The following TBC1D32 variants were observed in gnomAD, a reference collection of about 807,000 sequenced individuals.
TBC1D32 encodes the protein protein broad-minded.
TBC1D32 carries 151 observed loss-of-function variants against 170.3 expected under a neutral mutation model. The observed-to-expected ratio is 0.89, with a 90% CI of 0.78 to 1.01. The LOEUF (loss-of-function observed/expected upper bound fraction) is 1.01. Ranked by LOEUF, TBC1D32 falls within the 50% of genes least tolerant of loss-of-function variation. TBC1D32 has a pLI of 0.00. For synonymous variants in TBC1D32, 498 were observed against 488.0 expected (o/e 1.02, Z -0.27); for missense variants, 1,464 against 1,457.1 (o/e 1.00, Z -0.08).
At chr6:121,317,925 G>A (rs1435003433) in intron 2 of TBC1D32, among the ~76,000 whole-genome samples, 2 of 151,978 alleles carry the variant, frequency 1.3e-5, no homozygotes, top group Non-Finnish European at 1.5e-5. Flanking sequence ...ATGGATCAAG[G>A]TAGTAAAATT....
intron 22 of TBC1D32, among the ~76,000 whole-genome samples, chr6:121,190,685 A>G (rs1789883703): frequency 6.6e-6 from 1 of 152,170 alleles, no homozygotes; most frequent in African/African-American, 2.4e-5. Context: ...AAATCTCACC[A>G]GAAACATGAT....
intron 26 of TBC1D32, among the ~76,000 whole-genome samples, chr6:121,119,519 A>C (rs1780041546): frequency 6.6e-6 from 1 of 152,142 alleles, no homozygotes; most frequent in South Asian, 2.1e-4. Context: ...ATTTTGATTA[A>C]CTAGCATTAC....
intron 21 of TBC1D32, among the ~76,000 whole-genome samples, chr6:121,209,271 C>T (rs948952363): frequency 5.9e-5 from 9 of 152,038 alleles, no homozygotes; most frequent in African/African-American, 1.9e-4. Flanking sequence ...TGCCATAAGC[C>T]CATCTATCAC....
intron 20 of TBC1D32, 31 bp from the exon 21 acceptor site, chr6:121,223,383 A>T (rs769141123): frequency 6.9e-7 from 1 of 1,454,982 alleles, no homozygotes; most frequent in Non-Finnish European, 9.5e-7. Flanking sequence ...CATTTAAATG[A>T]TTCACTTTTG....
intron 22 of TBC1D32, among the ~76,000 whole-genome samples, chr6:121,194,078 C>T (rs976690402): frequency 1.4e-5 from 2 of 146,874 alleles, no homozygotes; most frequent in East Asian, 2.5e-4. Flanking sequence ...TCTGAGCTGA[C>T]ATTGATTCCA....
intron 1 of TBC1D32, 75 bp downstream of exon 1, chr6:121,334,198 AATT>A (rs1327070575): frequency 8.2e-7 from 1 of 1,220,504 alleles, no homozygotes; most frequent in Non-Finnish European, 1.1e-6. Context: ...ACAATAAATA[AATT>A]AACACTGTTG....
intron 9 of TBC1D32, among the ~76,000 whole-genome samples, chr6:121,302,303 C>A (rs1446838779): frequency 2.0e-5 from 3 of 152,100 alleles, no homozygotes; most frequent in African/African-American, 4.8e-5. Flanking sequence ...GGACTGTAGG[C>A]CCACAACGCC....
At chr6:121,284,794 G>A (rs1583563289) in intron 12 of TBC1D32, among the ~76,000 whole-genome samples, 1 of 152,122 alleles carries the variant, frequency 6.6e-6, no homozygotes, top group East Asian at 1.9e-4. Context: ...ACATATAAAT[G>A]TAAGCTGAAT....
At chr6:121,262,057 G>A (rs1021820034) in intron 15 of TBC1D32, among the ~76,000 whole-genome samples, 1 of 152,172 alleles carries the variant, frequency 6.6e-6, no homozygotes, top group African/African-American at 2.4e-5. Flanking sequence ...CTATCTTGCT[G>A]AAATAAGGCA....
intron 22 of TBC1D32, among the ~76,000 whole-genome samples, chr6:121,173,229 G>A (rs1403433049): frequency 6.6e-6 from 1 of 152,096 alleles, no homozygotes; most frequent in Non-Finnish European, 1.5e-5. Context: ...TTTCTCCCAT[G>A]CTGGATGCTT....
At chr6:121,241,613 A>C (rs1218531037) in intron 18 of TBC1D32, 61 bp from the exon 19 acceptor site, 2 of 1,346,730 alleles carry the variant, frequency 1.5e-6, no homozygotes, top group Admixed American at 1.7e-5. Context: ...CTAACTAGAC[A>C]TTCCTTCAAG....
At chr6:121,327,348 T>C (rs1240438177) in intron 1 of TBC1D32, among the ~76,000 whole-genome samples, 1 of 152,222 alleles carries the variant, frequency 6.6e-6, no homozygotes, top group Non-Finnish European at 1.5e-5. Flanking sequence ...GTTTCCTACA[T>C]TGTAATCCTG....
chr6:121,204,796 C>T (rs1792018980), intron 22 of TBC1D32, among the ~76,000 whole-genome samples: 1 of 146,584 alleles, frequency 6.8e-6, no homozygotes, highest in Admixed American at 6.6e-5. Context: ...AAGTTGACTC[C>T]TGAGTACACT....
chr6:121,153,555 C>G (rs897198677), intron 24 of TBC1D32, among the ~76,000 whole-genome samples: 2 of 152,132 alleles, frequency 1.3e-5, no homozygotes, highest in African/African-American at 4.8e-5. Context: ...TCAGAGCCAG[C>G]AAGCAGGAAC....
At chr6:121,138,711 T>C (rs1196715581) in intron 24 of TBC1D32, among the ~76,000 whole-genome samples, 3 of 152,164 alleles carry the variant, frequency 2.0e-5, no homozygotes, top group Non-Finnish European at 2.9e-5. Context: ...TAGATAAATA[T>C]TTGATAAAAG....
At chr6:121,099,210 G>A (rs771024391) in intron 30 of TBC1D32, among the ~76,000 whole-genome samples, 1 of 151,724 alleles carries the variant, frequency 6.6e-6, no homozygotes, top group South Asian at 2.1e-4. Flanking sequence ...GTGACTCCAA[G>A]GAATTATAAA....
At chr6:121,310,657 G>C in intron 4 of TBC1D32, 122 bp downstream of exon 4, 1 of 683,106 alleles carries the variant, frequency 1.5e-6, no homozygotes, top group South Asian at 1.7e-5. Context: ...ATCAGTCCAG[G>C]ATTGCCCATA....
intron 15 of TBC1D32, among the ~76,000 whole-genome samples, chr6:121,275,952 G>A (rs1802150677): frequency 6.6e-6 from 1 of 151,712 alleles, no homozygotes; most frequent in Non-Finnish European, 1.5e-5. Flanking sequence ...TGGTGAAACC[G>A]TGTCTCTGCT....
chr6:121,117,603 G>T (rs1476862203), intron 26 of TBC1D32, among the ~76,000 whole-genome samples: 1 of 152,114 alleles, frequency 6.6e-6, no homozygotes, highest in Non-Finnish European at 1.5e-5. Context: ...TTGGGAGGCT[G>T]AAGCAGAAGA....
Sources: allele counts gnomAD v4.1 joint callset (sites outside exome capture counted in the v4.1 genomes callset), GRCh38; gene constraint gnomAD v4.1.1; transcripts MANE v1.5; gene names NCBI Gene and HGNC (gene_info 2026-07-23, HGNC 2026-07-21).